The following AR variants were observed in gnomAD, a reference collection of about 807,000 sequenced individuals.
The protein encoded by AR is androgen receptor.
AR carries 8 observed loss-of-function variants against 53.9 expected under a neutral mutation model. The ratio of observed to expected loss-of-function variants is 0.15; its 90% CI spans 0.09 to 0.27. AR has a LOEUF of 0.27. Among genes scored for constraint, AR ranks in the 10% least tolerant of loss-of-function variants. AR has a pLI of 1.00. For synonymous variants in AR, 359 were observed against 316.4 expected, an observed-to-expected ratio of 1.13 and a Z score of -1.43; for missense variants, 639 against 742.5, an observed-to-expected ratio of 0.86 and a Z score of 1.62.
chrX:67,658,889 T>G (rs945992500), intron 2 of AR, among the ~76,000 whole-genome samples: 9 of 111,678 alleles, frequency 8.1e-5, no homozygotes, highest in African/African-American at 2.9e-4. Context: ...AGAGGCAGCT[T>G]TGTCTGCTGT....
intron 1 of AR, 150 bp from the exon 2 acceptor site, chrX:67,643,106 G>A: frequency 1.5e-6 from 1 of 678,358 alleles, no homozygotes; most frequent in Non-Finnish European, 2.3e-6. Context: ...TTTAGGAGAA[G>A]TCTCAGAAAA....
intron 1 of AR, among the ~76,000 whole-genome samples, chrX:67,600,742 A>T (rs1445592910): frequency 9.0e-6 from 1 of 111,477 alleles, no homozygotes; most frequent in African/African-American, 3.3e-5. Context: ...TGCTTGAGGG[A>T]TGTATACCTC....
chrX:67,727,339 A>G lies in AR; in HGVS notation c.*3498A>G, dbSNP rs1426872815. ...GGCACTAAAAAATATAGAGAGCTTC[A>G]TTCTGTCCTTTGGGTAGTTGCTGAG... On this transcript the variant is annotated 3_prime_UTR_variant, in exon 8 of 8. Coordinates refer to ENST00000374690, the MANE Select transcript of AR (RefSeq NM_000044.6). 5.9e-6 allele frequency: 1 copy of G among 169,663 alleles called. No individual in the cohort carries two copies. Among genetic ancestry groups the G allele is most frequent in the Non-Finnish European group, 1.1e-5 (1 of 88,446 alleles). 14.0% of individuals were successfully genotyped at this position (169,663 alleles called of 1,213,427 possible).
chrX:67,602,717 G>A (rs951445619), intron 1 of AR, among the ~76,000 whole-genome samples: 1 of 111,225 alleles, frequency 9.0e-6, no homozygotes, highest in Non-Finnish European at 1.9e-5. Flanking sequence ...TCTTCCTCTA[G>A]AACTTCCATA....
chrX:67,634,667 A>G (rs1925335767), intron 1 of AR, among the ~76,000 whole-genome samples: 1 of 111,542 alleles, frequency 9.0e-6, no homozygotes, highest in Non-Finnish European at 1.9e-5. Flanking sequence ...CTAAATTTCA[A>G]ATCTCACGGT....
chrX:67,689,751 T>G (rs1306336650), intron 3 of AR: 1 of 834,243 alleles, frequency 1.2e-6, no homozygotes, highest in Non-Finnish European at 1.5e-6. Flanking sequence ...TGACTACTTT[T>G]CATTTCAGAA....
chrX:67,664,194 C>T (rs1927121119), intron 2 of AR, among the ~76,000 whole-genome samples: 1 of 112,083 alleles, frequency 8.9e-6, no homozygotes, highest in Non-Finnish European at 1.9e-5. Context: ...AAGAAAGGCA[C>T]TCTGATTTTT....
intron 1 of AR, among the ~76,000 whole-genome samples, chrX:67,590,655 T>C (rs996376524): frequency 8.9e-6 from 1 of 112,167 alleles, no homozygotes; most frequent in Non-Finnish European, 1.9e-5. Context: ...GCATGGATAA[T>C]TTAGATGTGA....
intron 1 of AR, among the ~76,000 whole-genome samples, chrX:67,551,426 A>G (rs764502866): frequency 4.4e-4 from 49 of 112,214 alleles, no homozygotes; most frequent in African/African-American, 1.6e-3. Context: ...AATTCAGAGA[A>G]AGTTAACCTT....
At chrX:67,723,129 G>A in intron 7 of AR, 145 bp downstream of exon 7, 1 of 737,025 alleles carries the variant, frequency 1.4e-6, no homozygotes. Context: ...AGAAAATGTG[G>A]TGAAGAAAAG....
intron 1 of AR, among the ~76,000 whole-genome samples, chrX:67,573,569 C>A (rs1921918922): frequency 9.0e-6 from 1 of 111,497 alleles, no homozygotes; most frequent in Non-Finnish European, 1.9e-5. Flanking sequence ...TGGTCTCAAG[C>A]CTTCAATTAT....
chrX:67,630,209 C>G (rs1453675493), intron 1 of AR, among the ~76,000 whole-genome samples: 1 of 110,700 alleles, frequency 9.0e-6, no homozygotes, highest in Non-Finnish European at 1.9e-5. Flanking sequence ...CTTTCTGTCT[C>G]GTTGATCTGT....
At chrX:67,704,988 C>G (rs759498872) in intron 3 of AR, among the ~76,000 whole-genome samples, 4 of 111,867 alleles carry the variant, frequency 3.6e-5, no homozygotes, top group East Asian at 5.6e-4. Flanking sequence ...GGGCTCTGTT[C>G]TGTTCCATTG....
At chrX:67,608,773 C>G (rs781710542) in intron 1 of AR, among the ~76,000 whole-genome samples, 2 of 111,551 alleles carry the variant, frequency 1.8e-5, no homozygotes, top group African/African-American at 6.5e-5. Flanking sequence ...CTATATTTGT[C>G]CATGAACATG....
chrX:67,568,669 C>T (rs1483789578), intron 1 of AR, among the ~76,000 whole-genome samples: 3 of 111,974 alleles, frequency 2.7e-5, no homozygotes, highest in Non-Finnish European at 5.6e-5. Flanking sequence ...TTTCACACTA[C>T]TGTACTTATT....
chrX:67,658,024 T>C (rs1215294314), intron 2 of AR, among the ~76,000 whole-genome samples: 1 of 111,982 alleles, frequency 8.9e-6, no homozygotes, highest in Non-Finnish European at 1.9e-5. Context: ...ATCTTGCTAC[T>C]GATGCTGTCT....
At chrX:67,681,648 G>A (rs752484791) in intron 2 of AR, among the ~76,000 whole-genome samples, 1 of 112,049 alleles carries the variant, frequency 8.9e-6, no homozygotes, top group Non-Finnish European at 1.9e-5. Context: ...AGGCCCAATG[G>A]GTTAGAGCTA....
chrX:67,719,636 A>G (rs1371276918), intron 5 of AR, among the ~76,000 whole-genome samples: 1 of 112,232 alleles, frequency 8.9e-6, no homozygotes, highest in Admixed American at 9.4e-5. Context: ...GTTTCTCAAC[A>G]TGGATTCTGT....
intron 2 of AR, among the ~76,000 whole-genome samples, chrX:67,668,127 T>C (rs865847086): frequency 8.9e-6 from 1 of 112,223 alleles, no homozygotes; most frequent in Middle Eastern, 4.6e-3. Context: ...AAAGTTAACA[T>C]CCTTGTTTTG....
Sources: gnomAD v4.1 joint callset for allele counts (sites outside exome capture counted in the v4.1 genomes callset) on GRCh38, gnomAD v4.1.1 for gene constraint, MANE v1.5 for transcripts, NCBI Gene and HGNC (gene_info 2026-07-23, HGNC 2026-07-21) for gene names.